UBE2E2: variants seen among roughly 807,000 people sequenced by gnomAD.
The protein encoded by UBE2E2 is ubiquitin conjugating enzyme E2 E2.
In UBE2E2, 6 loss-of-function variants were observed where a neutral mutation model predicts 24.7. That is an observed-to-expected ratio of 0.24 (90% CI 0.13 to 0.48). UBE2E2 has a LOEUF of 0.48. Among genes scored for constraint, UBE2E2 ranks in the 20% least tolerant of loss-of-function variants. The pLI is 0.99. For synonymous variants in UBE2E2, 104 were observed against 83.6 expected (o/e 1.24, Z -1.33); for missense variants, 169 against 245.0 (o/e 0.69, Z 2.07).
At chr3:23,570,253 G>A (rs1696190771) in intron 5 of UBE2E2, among the ~76,000 whole-genome samples, 1 of 152,118 alleles carries the variant, frequency 6.6e-6, no homozygotes, top group Admixed American at 6.6e-5. Context: ...TCATCTTCCT[G>A]CATCTTTGGC....
At chr3:23,349,056 G>C (rs1371313680) in intron 3 of UBE2E2, among the ~76,000 whole-genome samples, 1 of 152,148 alleles carries the variant, frequency 6.6e-6, no homozygotes. Flanking sequence ...AATTGGCTTG[G>C]TTTCAAGAGG....
chr3:23,431,697 A>T (rs1010899823), intron 3 of UBE2E2, among the ~76,000 whole-genome samples: 3 of 152,192 alleles, frequency 2.0e-5, no homozygotes, highest in African/African-American at 7.2e-5. Context: ...CAGTAAAAAT[A>T]AAATAGTATA....
At chr3:23,478,676 AT>A (rs1559396321) in intron 3 of UBE2E2, among the ~76,000 whole-genome samples, 1 of 152,144 alleles carries the variant, frequency 6.6e-6, no homozygotes, top group Non-Finnish European at 1.5e-5. Flanking sequence ...AAAATAGCAA[AT>A]TCAAATCTGT....
intron 3 of UBE2E2, among the ~76,000 whole-genome samples, chr3:23,378,236 T>TAAAAAAAAAAAAAAAAAAAAAAAAAAAA (rs56808350): frequency 8.5e-6 from 1 of 118,064 alleles, no homozygotes; most frequent in Non-Finnish European, 1.7e-5. Context: ...AAATAAGCAG[T>TAAAAAAAAAAAAAAAAAAAAAAAAAAAA]AAAAAAAAAA....
At chr3:23,207,970 C>T (rs1040695855) in intron 1 of UBE2E2, among the ~76,000 whole-genome samples, 1 of 152,218 alleles carries the variant, frequency 6.6e-6, no homozygotes, top group Non-Finnish European at 1.5e-5. Context: ...GCATCATACC[C>T]ATTAGCCGTC....
At chr3:23,204,873 A>G in intron 1 of UBE2E2, 1 of 608,326 alleles carries the variant, frequency 1.6e-6, no homozygotes, top group Non-Finnish European at 2.1e-6. Flanking sequence ...TTCCTGTTAT[A>G]AAAGCTTAAA....
intron 3 of UBE2E2, among the ~76,000 whole-genome samples, chr3:23,441,816 A>AT (rs35961001): frequency 0.072 from 10,986 of 152,058 alleles, 516 homozygotes; most frequent in Non-Finnish European, 0.088. Context: ...TAAATATATC[A>AT]TTTTTTTTAA....
intron 3 of UBE2E2, among the ~76,000 whole-genome samples, chr3:23,384,038 T>C (rs926015347): frequency 6.6e-6 from 1 of 152,234 alleles, no homozygotes; most frequent in African/African-American, 2.4e-5. Flanking sequence ...CTCTGTGTCC[T>C]GGGCTGGGGT....
At chr3:23,437,439 A>G (rs2125405351) in intron 3 of UBE2E2, among the ~76,000 whole-genome samples, 1 of 152,292 alleles carries the variant, frequency 6.6e-6, no homozygotes, top group East Asian at 1.9e-4. Flanking sequence ...ATTTTAATAG[A>G]TTAGGTTTTT....
chr3:23,317,786 A>G (rs1000285332), intron 3 of UBE2E2, among the ~76,000 whole-genome samples: 2 of 152,046 alleles, frequency 1.3e-5, no homozygotes, highest in East Asian at 3.9e-4. Context: ...TGGGAATTCA[A>G]AATGAGATTT....
chr3:23,340,869 A>T (rs1025546636), intron 3 of UBE2E2, among the ~76,000 whole-genome samples: 1 of 152,148 alleles, frequency 6.6e-6, no homozygotes, highest in Non-Finnish European at 1.5e-5. Flanking sequence ...CTATTCAAGC[A>T]ATATACTTTC....
chr3:23,460,919 C>T (rs139364882), intron 3 of UBE2E2, among the ~76,000 whole-genome samples: 286 of 152,182 alleles, frequency 1.9e-3, no homozygotes, highest in African/African-American at 6.2e-3. Context: ...TCTGAGAATC[C>T]TTACAATACT....
chr3:23,319,437 TTTTATAG>T lies in UBE2E2; in HGVS notation c.227+102132_227+102138del, dbSNP rs150323628. ...AGTAATACGCTATGTTTTGTTTTCA[TTTTATAG>T]TTTATATAGTGTTGATTGTGTGCCA... On this transcript the variant is annotated intron_variant, in intron 3 of 5. Coordinates refer to ENST00000396703, the MANE Select transcript of UBE2E2 (RefSeq NM_152653.4). Among the ~76,000 whole-genome samples the T allele has an allele frequency of 2.5e-3, 379 of 152,310 alleles. 2 individuals are homozygous for T. Among genetic ancestry groups the T allele is most frequent in the African/African-American group, 8.7e-3 (360 of 41,568 alleles).
At chr3:23,428,778 A>G (rs1293422373) in intron 3 of UBE2E2, among the ~76,000 whole-genome samples, 1 of 151,902 alleles carries the variant, frequency 6.6e-6, no homozygotes, top group Non-Finnish European at 1.5e-5. Context: ...TGGGCAACAC[A>G]GTAACACCCC....
intron 3 of UBE2E2, among the ~76,000 whole-genome samples, chr3:23,327,119 T>G (rs1194872461): frequency 6.6e-6 from 1 of 152,216 alleles, no homozygotes; most frequent in Non-Finnish European, 1.5e-5. Context: ...TTGTGAATAG[T>G]GCTGCAATAA....
intron 3 of UBE2E2, among the ~76,000 whole-genome samples, chr3:23,275,885 T>C (rs1413934931): frequency 6.6e-6 from 1 of 152,164 alleles, no homozygotes; most frequent in East Asian, 1.9e-4. Flanking sequence ...CCCGATTCAT[T>C]AAAAATTTGA....
intron 3 of UBE2E2, among the ~76,000 whole-genome samples, chr3:23,373,119 A>G (rs1696437157): frequency 6.6e-6 from 1 of 151,984 alleles, no homozygotes; most frequent in Non-Finnish European, 1.5e-5. Flanking sequence ...CTTCCTCCTC[A>G]ACTCCCCATG....
At chr3:23,456,718 A>G (rs1225718084) in intron 3 of UBE2E2, among the ~76,000 whole-genome samples, 1 of 152,212 alleles carries the variant, frequency 6.6e-6, no homozygotes, top group Non-Finnish European at 1.5e-5. Flanking sequence ...GCAGCTTTAT[A>G]TAGCGTAGGT....
At position 23,467,705 on chromosome 3, in the gene UBE2E2, A is replaced by G. The variant is rs547496965; in HGVS notation, c.228-31903A>G. On this transcript the variant is annotated intron_variant, in intron 3 of 5. Transcript: ENST00000396703. ...AGCCTCACTATACTTCTAAGTAGCT[A>G]TATTAGTACGTTCTCACACTGCTAT... 1.1e-4 allele frequency among the ~76,000 whole-genome samples: 17 copies of G among 152,278 alleles called. No homozygotes were observed. In the South Asian group the frequency reaches 2.9e-3, roughly 26 times the overall value.
Sources: gnomAD v4.1 joint callset for allele counts (sites outside exome capture counted in the v4.1 genomes callset) on GRCh38, gnomAD v4.1.1 for gene constraint, MANE v1.5 for transcripts, NCBI Gene and HGNC (gene_info 2026-07-23, HGNC 2026-07-21) for gene names.